KCNQ5: variants seen among roughly 807,000 people sequenced by gnomAD.
KCNQ5 encodes potassium voltage-gated channel subfamily Q member 5.
In KCNQ5, 30 loss-of-function variants were observed where a neutral mutation model predicts 98.2. The ratio of observed to expected loss-of-function variants is 0.31; its 90% CI spans 0.23 to 0.41. The LOEUF is 0.41. KCNQ5 is among the 10% of genes least tolerant of loss of function. The probability of loss-of-function intolerance (pLI) is 1.00; values close to 1 mark genes in which losing one functional copy is unlikely to be tolerated. For synonymous variants in KCNQ5, 458 were observed against 449.4 expected (o/e 1.02, Z -0.24); for missense variants, 835 against 1,182.5 (o/e 0.71, Z 4.31).
intron 3 of KCNQ5, among the ~76,000 whole-genome samples, chr6:73,067,596 C>A (rs1335271242): frequency 6.6e-6 from 1 of 152,110 alleles, no homozygotes; most frequent in African/African-American, 2.4e-5. Context: ...AGTTTATACT[C>A]ATAACCTCTG....
At chr6:72,816,465 G>C (rs75688112) in intron 1 of KCNQ5, among the ~76,000 whole-genome samples, 2 of 152,146 alleles carry the variant, frequency 1.3e-5, no homozygotes, top group East Asian at 3.8e-4. Context: ...TTGTAAGAAC[G>C]GGGAGACTAC....
At chr6:72,672,975 C>T (rs1399150822) in intron 1 of KCNQ5, among the ~76,000 whole-genome samples, 1 of 152,278 alleles carries the variant, frequency 6.6e-6, no homozygotes, top group Middle Eastern at 3.4e-3. Context: ...AAAACTACTC[C>T]AGTGAGCTAA....
intron 1 of KCNQ5, among the ~76,000 whole-genome samples, chr6:72,921,889 A>G (rs558840342): frequency 1.8e-4 from 28 of 152,322 alleles, no homozygotes; most frequent in African/African-American, 6.5e-4. Flanking sequence ...TATGATCTGA[A>G]TATATTAACT....
intron 1 of KCNQ5, among the ~76,000 whole-genome samples, chr6:72,971,834 G>A (rs1245457174): frequency 6.6e-6 from 1 of 152,150 alleles, no homozygotes; most frequent in Non-Finnish European, 1.5e-5. Flanking sequence ...ACCAGGGCCT[G>A]TTGTGGGGTG....
In KCNQ5 at chr6:73,195,561, C is replaced by T; in HGVS notation, c.*147C>T. On this transcript the variant is annotated 3_prime_UTR_variant, in exon 14 of 14. Coordinates refer to ENST00000370398, the MANE Select transcript of KCNQ5 (RefSeq NM_019842.4). ...TTATAAGCCCGTTACCTTTTAATTG[C>T]ATGAAAATGCATGTTTAGGGATGGC... is the stretch of plus-strand genomic sequence containing the variant. 1.0e-6 allele frequency: 1 copy of T among 968,110 alleles called. No homozygotes were observed. The highest frequency in any genetic ancestry group is 1.5e-6 in the Non-Finnish European group (1 of 664,384). The allele number at this position is 968,110 out of a possible 1,614,324, so 60.0% of individuals were successfully genotyped here.
rs1192250611 is a variant in KCNQ5 at position 72,761,040 on chromosome 6, T to C, written c.398+138453T>C. Among the ~76,000 whole-genome samples, 6 of 152,124 alleles carry C rather than the reference T, an allele frequency of 3.9e-5. No individual in the cohort carries two copies. In the East Asian group the frequency reaches 1.2e-3, roughly 29 times the overall value. On this transcript the variant is annotated intron_variant, in intron 1 of 13. Coordinates refer to ENST00000370398, the MANE Select transcript of KCNQ5 (RefSeq NM_019842.4). ...TTTTCTCATTTTGGGTGGTGTCTTA[T>C]TTGGATGTATGTGTCAATTCCGAGG... is the stretch of plus-strand genomic sequence containing the variant.
At chr6:72,705,596 T>C (rs112184528) in intron 1 of KCNQ5, among the ~76,000 whole-genome samples, 1 of 92,076 alleles carries the variant, frequency 1.1e-5, no homozygotes. Flanking sequence ...TTTTGTTTTT[T>C]TTTTTGTTGT....
intron 1 of KCNQ5, among the ~76,000 whole-genome samples, chr6:72,790,217 AATCACAAAAT>A (rs1184616563): frequency 3.3e-5 from 5 of 152,204 alleles, no homozygotes; most frequent in African/African-American, 1.2e-4. Context: ...GAATGACTGT[AATCACAAAAT>A]AAGCTCCCAA....
chr6:72,977,560 G>A (rs1313130367), intron 1 of KCNQ5, among the ~76,000 whole-genome samples: 1 of 152,160 alleles, frequency 6.6e-6, no homozygotes. Flanking sequence ...AGCAGGGGCC[G>A]GAAGACCTAT....
At chr6:72,998,632 G>A (rs552859964) in intron 1 of KCNQ5, among the ~76,000 whole-genome samples, 3 of 152,074 alleles carry the variant, frequency 2.0e-5, no homozygotes, top group African/African-American at 7.2e-5. Context: ...AGCTACTCAG[G>A]AGGCTGAGGC....
At chr6:72,752,609 T>G (rs568769266) in intron 1 of KCNQ5, among the ~76,000 whole-genome samples, 1 of 152,266 alleles carries the variant, frequency 6.6e-6, no homozygotes, top group South Asian at 2.1e-4. Flanking sequence ...TATTCATACA[T>G]GTTCACAACC....
chr6:72,805,431 A>G (rs1158823860), intron 1 of KCNQ5, among the ~76,000 whole-genome samples: 2 of 152,042 alleles, frequency 1.3e-5, no homozygotes, highest in East Asian at 3.8e-4. Context: ...TTTCCCTAAC[A>G]TATCTTCTTG....
At chr6:72,876,735 A>G (rs1778422725) in intron 1 of KCNQ5, among the ~76,000 whole-genome samples, 1 of 152,194 alleles carries the variant, frequency 6.6e-6, no homozygotes, top group Admixed American at 6.5e-5. Context: ...ATCATGTGTC[A>G]TACTATCAAG....
intron 5 of KCNQ5, among the ~76,000 whole-genome samples, chr6:73,082,964 C>T (rs1339387586): frequency 1.3e-5 from 2 of 148,180 alleles, no homozygotes; most frequent in Admixed American, 6.9e-5. Flanking sequence ...ATTTATAGCT[C>T]GCTGCAGCCT....
chr6:72,651,592 T>TCC (rs1163128117), intron 1 of KCNQ5, among the ~76,000 whole-genome samples: 1 of 152,100 alleles, frequency 6.6e-6, no homozygotes, highest in Admixed American at 6.6e-5. Flanking sequence ...GTCTATTATT[T>TCC]CGTTGAGATG....
At chr6:72,785,523 G>A (rs62410665) in intron 1 of KCNQ5, among the ~76,000 whole-genome samples, 1,669 of 151,948 alleles carry the variant, frequency 0.011, 15 homozygotes, top group Non-Finnish European at 0.019. Flanking sequence ...GATGGTGGGC[G>A]CCTGTAATCC....
chr6:73,002,308 C>T (rs1415730971), intron 1 of KCNQ5, among the ~76,000 whole-genome samples: 1 of 152,132 alleles, frequency 6.6e-6, no homozygotes, highest in Non-Finnish European at 1.5e-5. Context: ...CCACCATTCT[C>T]ATCTCTGATG....
intron 1 of KCNQ5, among the ~76,000 whole-genome samples, chr6:72,904,995 C>G (rs969252842): frequency 6.6e-5 from 10 of 152,066 alleles, no homozygotes; most frequent in Admixed American, 6.6e-4. Context: ...TATCTTCTCC[C>G]TCAGGAATGC....
intron 1 of KCNQ5, among the ~76,000 whole-genome samples, chr6:72,771,682 G>GTGTGTC (rs776888636): frequency 6.6e-6 from 1 of 151,732 alleles, no homozygotes; most frequent in Admixed American, 6.6e-5. Context: ...GTGTGTGTGT[G>GTGTGTC]TGTATAACAT....
Sources: gnomAD v4.1 joint callset for allele counts (sites outside exome capture counted in the v4.1 genomes callset) on GRCh38, gnomAD v4.1.1 for gene constraint, MANE v1.5 for transcripts, NCBI Gene and HGNC (gene_info 2026-07-23, HGNC 2026-07-21) for gene names.